The following ROBO2 variants were observed in gnomAD, a reference collection of about 807,000 sequenced individuals.
ROBO2 encodes roundabout homolog 2.
A neutral mutation model predicts 160.8 loss-of-function variants in ROBO2; 53 were observed. That is an observed-to-expected ratio of 0.33 (90% CI 0.26 to 0.41). ROBO2 has a LOEUF of 0.41. ROBO2 is among the 10% of genes least tolerant of loss of function. The pLI is 1.00. For synonymous variants in ROBO2, 664 were observed against 611.7 expected (o/e 1.09, Z -1.26); for missense variants, 1,577 against 1,722.4 (o/e 0.92, Z 1.49).
intron 2 of ROBO2, among the ~76,000 whole-genome samples, chr3:76,447,924 G>A (rs1450671283): frequency 1.3e-5 from 2 of 150,026 alleles, no homozygotes; most frequent in East Asian, 4.0e-4. Flanking sequence ...GATAGCATTA[G>A]GAGATATACC....
At chr3:77,173,865 T>C (rs1419324167) in intron 2 of ROBO2, among the ~76,000 whole-genome samples, 2 of 152,054 alleles carry the variant, frequency 1.3e-5, no homozygotes, top group African/African-American at 4.8e-5. Context: ...ACCTTTGTTT[T>C]CTTAGAACTG....
chr3:76,836,981 G>A (rs1008634590), intron 2 of ROBO2, among the ~76,000 whole-genome samples: 7 of 151,542 alleles, frequency 4.6e-5, no homozygotes, highest in African/African-American at 1.5e-4. Flanking sequence ...TTAAAGGGGC[G>A]TTAAAATATC....
chr3:76,674,592 C>T (rs945419472), intron 2 of ROBO2, among the ~76,000 whole-genome samples: 6 of 79,238 alleles, frequency 7.6e-5, no homozygotes, highest in African/African-American at 2.5e-4. Context: ...TAGCCCACCT[C>T]CTAGTTCACA....
intron 2 of ROBO2, among the ~76,000 whole-genome samples, chr3:77,301,924 A>G (rs1385695553): frequency 6.6e-6 from 1 of 151,696 alleles, no homozygotes; most frequent in Non-Finnish European, 1.5e-5. Context: ...TTTTTAAGAA[A>G]CAGGGTCTTA....
intron 2 of ROBO2, among the ~76,000 whole-genome samples, chr3:76,559,304 A>G (rs1458841145): frequency 6.6e-6 from 1 of 152,202 alleles, no homozygotes; most frequent in Non-Finnish European, 1.5e-5. Flanking sequence ...TGGGTTCAAT[A>G]TAAGGAATAT....
chr3:77,335,401 C>T (rs778124405), intron 2 of ROBO2, among the ~76,000 whole-genome samples: 4 of 152,082 alleles, frequency 2.6e-5, no homozygotes, highest in Admixed American at 6.6e-5. Flanking sequence ...AGGGAAACTC[C>T]GTCTCAAAAC....
intron 2 of ROBO2, among the ~76,000 whole-genome samples, chr3:76,683,094 ATAGGT>A (rs928796020): frequency 3.9e-4 from 59 of 152,294 alleles, no homozygotes; most frequent in African/African-American, 1.4e-3. Flanking sequence ...TTCATAAGAA[ATAGGT>A]TAGGTCTCAT....
chr3:76,078,331 G>A (rs2068709000), intron 2 of ROBO2, among the ~76,000 whole-genome samples: 1 of 152,112 alleles, frequency 6.6e-6, no homozygotes, highest in Non-Finnish European at 1.5e-5. Flanking sequence ...CAGTCCTAGT[G>A]TTGGATTTAG....
chr3:76,367,434 A>G (rs933508679), intron 2 of ROBO2, among the ~76,000 whole-genome samples: 2 of 151,950 alleles, frequency 1.3e-5, no homozygotes, highest in South Asian at 2.1e-4. Flanking sequence ...CAGCAGCAGG[A>G]TGAGTCCTAG....
chr3:77,101,889 A>C (rs1474705751), intron 2 of ROBO2, among the ~76,000 whole-genome samples: 1 of 152,048 alleles, frequency 6.6e-6, no homozygotes. Flanking sequence ...AAAATACAAA[A>C]CTTAGCCAGG....
At chr3:76,597,110 GAGTCAAA>G (rs796324019) in intron 2 of ROBO2, among the ~76,000 whole-genome samples, 62 of 152,138 alleles carry the variant, frequency 4.1e-4, no homozygotes, top group African/African-American at 1.4e-3. Context: ...TATAAACAGT[GAGTCAAA>G]TGTCAAATGG....
intron 2 of ROBO2, among the ~76,000 whole-genome samples, chr3:76,774,009 CT>C (rs930663900): frequency 1.3e-5 from 2 of 150,814 alleles, no homozygotes; most frequent in Non-Finnish European, 3.0e-5. Flanking sequence ...AAATATGCTC[CT>C]TTTAAGAAGC....
intron 2 of ROBO2, among the ~76,000 whole-genome samples, chr3:76,363,647 T>A (rs1285621723): frequency 1.3e-5 from 2 of 151,962 alleles, no homozygotes; most frequent in Non-Finnish European, 2.9e-5. Flanking sequence ...AAAAAGCCTG[T>A]TTGTCAAAAA....
intron 2 of ROBO2, among the ~76,000 whole-genome samples, chr3:75,941,941 G>A (rs1391987119): frequency 2.0e-5 from 3 of 152,050 alleles, no homozygotes; most frequent in Non-Finnish European, 1.5e-5. Flanking sequence ...ACCTACTCAA[G>A]AAGGGAAGGT....
intron 2 of ROBO2, among the ~76,000 whole-genome samples, chr3:76,336,820 G>A (rs1305691897): frequency 6.6e-6 from 1 of 151,916 alleles, no homozygotes; most frequent in Non-Finnish European, 1.5e-5. Flanking sequence ...TTTCGTAAGA[G>A]CATTTAACAG....
At chr3:76,719,883 C>CA (rs58861850) in intron 2 of ROBO2, among the ~76,000 whole-genome samples, 1 of 130,200 alleles carries the variant, frequency 7.7e-6, no homozygotes. Context: ...GACTGTGTCT[C>CA]AAAAAAAAAA....
At chr3:76,393,311 C>G (rs1301447202) in intron 2 of ROBO2, among the ~76,000 whole-genome samples, 1 of 152,096 alleles carries the variant, frequency 6.6e-6, no homozygotes, top group Non-Finnish European at 1.5e-5. Flanking sequence ...GGAAGTATCT[C>G]TACCTTAGAA....
At chr3:76,992,368 TA>T (rs1164689478) in intron 2 of ROBO2, among the ~76,000 whole-genome samples, 3,112 of 37,928 alleles carry the variant, frequency 0.082, 102 homozygotes, top group African/African-American at 0.12. Flanking sequence ...TATATATATA[TA>T]AATTTAGCTT....
At chr3:77,223,134 C>T (rs2086037285) in intron 2 of ROBO2, among the ~76,000 whole-genome samples, 1 of 152,142 alleles carries the variant, frequency 6.6e-6, no homozygotes. Flanking sequence ...CTGAAATCTA[C>T]TTTAATAATA....
Sources: gnomAD v4.1 joint callset for allele counts (sites outside exome capture counted in the v4.1 genomes callset) on GRCh38, gnomAD v4.1.1 for gene constraint, MANE v1.5 for transcripts, NCBI Gene and HGNC (gene_info 2026-07-23, HGNC 2026-07-21) for gene names.